The following PRRX2 variants were observed in gnomAD, a reference collection of about 807,000 sequenced individuals.
The protein encoded by PRRX2 is paired mesoderm homeobox protein 2.
A neutral mutation model predicts 18.0 loss-of-function variants in PRRX2; 11 were observed. That is an observed-to-expected ratio of 0.61 (90% confidence interval 0.39 to 1.01). PRRX2 has a LOEUF of 1.01. Ranked by LOEUF, PRRX2 falls within the 50% of genes least tolerant of loss-of-function variation. PRRX2 has a pLI of 0.01. For synonymous variants in PRRX2, 177 were observed against 154.8 expected, an observed-to-expected ratio of 1.14 and a Z score of -1.06; for missense variants, 387 against 351.0, an observed-to-expected ratio of 1.10 and a Z score of -0.82.
intron 1 of PRRX2, among the ~76,000 whole-genome samples, chr9:129,696,226 T>C (rs1402724049): frequency 6.6e-6 from 1 of 152,092 alleles, no homozygotes; most frequent in African/African-American, 2.4e-5. Context: ...CACAGCCCCC[T>C]TTTCAAAACG....
chr9:129,701,222 G>A (rs142133578), intron 1 of PRRX2, among the ~76,000 whole-genome samples: 36 of 152,358 alleles, frequency 2.4e-4, no homozygotes, highest in African/African-American at 8.7e-4. Flanking sequence ...GAGGGTTTAG[G>A]ATGGAGCTTG....
intron 2 of PRRX2, among the ~76,000 whole-genome samples, 193 bp downstream of exon 2, chr9:129,719,611 G>A (rs1832763466): frequency 6.6e-6 from 1 of 152,268 alleles, no homozygotes; most frequent in Admixed American, 6.5e-5. Context: ...TAAGCTGTCT[G>A]TGCTGCAGGC....
chr9:129,678,986 TCAGC>T (rs1447378066), intron 1 of PRRX2, among the ~76,000 whole-genome samples: 1 of 152,052 alleles, frequency 6.6e-6, no homozygotes, highest in African/African-American at 2.4e-5. Context: ...GCCCAGATCC[TCAGC>T]CAGGGAGGGA....
At chr9:129,678,713 G>A (rs1462406171) in intron 1 of PRRX2, among the ~76,000 whole-genome samples, 1 of 152,210 alleles carries the variant, frequency 6.6e-6, no homozygotes, top group Non-Finnish European at 1.5e-5. Context: ...TGAGGTGTGT[G>A]ACTTTTGTGT....
intron 1 of PRRX2, among the ~76,000 whole-genome samples, 179 bp from the exon 2 acceptor site, chr9:129,719,052 G>A (rs1027806320): frequency 6.6e-6 from 1 of 152,194 alleles, no homozygotes; most frequent in Non-Finnish European, 1.5e-5. Flanking sequence ...CAGTAAATAC[G>A]TGTTGAAGAG....
chr9:129,684,707 G>A (rs1832282779), intron 1 of PRRX2, among the ~76,000 whole-genome samples: 1 of 152,262 alleles, frequency 6.6e-6, no homozygotes, highest in Non-Finnish European at 1.5e-5. Context: ...AATGTAGGGA[G>A]GTTGCTCTCC....
At position 129,715,332 on chromosome 9, in the gene PRRX2, G is replaced by A. The variant is rs1210514883; in HGVS notation, c.260-3899G>A. ...TTAGCAAGGCCAAGCATGGTGGCTCGTGCCTGTAATCCCAGTACTTTGGGA... is the reference window on the plus strand; with the variant it reads ...TTAGCAAGGCCAAGCATGGTGGCTCATGCCTGTAATCCCAGTACTTTGGGA... On this transcript the variant is annotated intron_variant, in intron 1 of 3. Coordinates refer to ENST00000372469, the MANE Select transcript of PRRX2 (RefSeq NM_016307.4). This position sits in a 1 kb window ranked among gnomAD's most constrained non-coding sequence, Gnocchi z 4.0. Among the ~76,000 whole-genome samples, 2 of 152,116 alleles carry A rather than the reference G, an allele frequency of 1.3e-5. No homozygotes were observed. Among genetic ancestry groups the A allele is most frequent in the Non-Finnish European group, 2.9e-5 (2 of 68,018 alleles).
chr9:129,703,186 G>A (rs1008898780), intron 1 of PRRX2, among the ~76,000 whole-genome samples: 1 of 152,250 alleles, frequency 6.6e-6, no homozygotes, highest in Non-Finnish European at 1.5e-5. Flanking sequence ...TGGGTACCTG[G>A]TGGAGGCTGA....
rs547739005 is a variant in PRRX2, at chr9:129,699,428, A to T, written c.260-19803A>T. ...AACAGGGCAAGACTCTGTCTCAAAA[A>T]AAATATATATATGTGTGTGTGTGTG... On this transcript the variant is annotated intron_variant, in intron 1 of 3. Coordinates refer to ENST00000372469, the MANE Select transcript of PRRX2 (RefSeq NM_016307.4). 6.0e-3 allele frequency among the ~76,000 whole-genome samples: 872 copies of T among 145,222 alleles called. 3 individuals carry two copies. The highest frequency in any genetic ancestry group is 0.01 in the Non-Finnish European group (690 of 66,786).
In PRRX2 at chr9:129,678,326, T is replaced by C. The variant is rs545809328; in HGVS notation, c.259+12200T>C. Among the ~76,000 whole-genome samples, 6 of 152,200 alleles carry C rather than the reference T, an allele frequency of 3.9e-5. No individual in the cohort carries two copies. In the South Asian group the frequency reaches 8.3e-4, roughly 21 times the overall value. On this transcript the variant is annotated intron_variant, in intron 1 of 3. Transcript: ENST00000372469. ...AAGGGAGGAAAAGTCAGGGAGGCCTTCTGTGAATGCTTCTCTCCTTCCACA... is the reference window on the plus strand; with the variant it reads ...AAGGGAGGAAAAGTCAGGGAGGCCTCCTGTGAATGCTTCTCTCCTTCCACA...
chr9:129,682,977 A>G (rs1832252915), intron 1 of PRRX2, among the ~76,000 whole-genome samples: 1 of 152,070 alleles, frequency 6.6e-6, no homozygotes, highest in African/African-American at 2.4e-5. Context: ...GCATGGTGGC[A>G]TGCACCTGTA....
At chr9:129,688,165 C>T (rs7872503) in intron 1 of PRRX2, among the ~76,000 whole-genome samples, 16,303 of 152,054 alleles carry the variant, frequency 0.11, 1,547 homozygotes, top group African/African-American at 0.26. Flanking sequence ...GGGCTCAAGC[C>T]ATCCTCCCAC....
At chr9:129,702,624 A>G (rs1366778700) in intron 1 of PRRX2, among the ~76,000 whole-genome samples, 1 of 152,192 alleles carries the variant, frequency 6.6e-6, no homozygotes, top group Non-Finnish European at 1.5e-5. Flanking sequence ...GTACAGAGCT[A>G]GAGTGTGGAC....
In PRRX2 at chr9:129,715,002, G is replaced by C. The variant is rs964473001; in HGVS notation, c.260-4229G>C. ...AAGTTTCTTCCTCATCGAGGTGGTGGGGGTGGAAAGACATTCACAGGCAGC... is the reference window on the plus strand; with the variant it reads ...AAGTTTCTTCCTCATCGAGGTGGTGCGGGTGGAAAGACATTCACAGGCAGC... On this transcript the variant is annotated intron_variant, in intron 1 of 3. Coordinates refer to ENST00000372469, the MANE Select transcript of PRRX2 (RefSeq NM_016307.4). The surrounding 1 kb of genome is among the most constrained non-coding windows in gnomAD (Gnocchi z 4.0). 1.3e-5 allele frequency among the ~76,000 whole-genome samples: 2 copies of C among 152,220 alleles called. No homozygotes were observed. The highest frequency in any genetic ancestry group is 4.1e-4 in the South Asian group (2 of 4,822).
At chr9:129,694,216 G>A (rs963938110) in intron 1 of PRRX2, among the ~76,000 whole-genome samples, 2 of 152,164 alleles carry the variant, frequency 1.3e-5, no homozygotes, top group Non-Finnish European at 2.9e-5. Flanking sequence ...AGGCTGGAGT[G>A]CGGTGGCCTG....
chr9:129,707,370 C>CT (rs1356107584), intron 1 of PRRX2, among the ~76,000 whole-genome samples: 4 of 152,184 alleles, frequency 2.6e-5, no homozygotes, highest in East Asian at 1.9e-4. Context: ...GTTACCATCT[C>CT]TAAGTGTTTC....
At chr9:129,696,981 C>G (rs1231797039) in intron 1 of PRRX2, among the ~76,000 whole-genome samples, 2 of 152,244 alleles carry the variant, frequency 1.3e-5, no homozygotes, top group Non-Finnish European at 2.9e-5. Context: ...CCTTGGGCGA[C>G]TGACCTCCCT....
In PRRX2 at chr9:129,715,472, T is replaced by C. The variant is rs1832692073; in HGVS notation, c.260-3759T>C. Among the ~76,000 whole-genome samples, 2 of 152,028 alleles carry C rather than the reference T, an allele frequency of 1.3e-5. No individual in the cohort carries two copies. The stretch of plus-strand genomic sequence containing the variant: ...TGGGCATGGTGGCAGGCACCTGTAG[T>C]CCCAGCTACTTGGGAGGCTGAGGTG... On this transcript the variant is annotated intron_variant, in intron 1 of 3. Transcript: ENST00000372469. This position sits in a 1 kb window ranked among gnomAD's most constrained non-coding sequence, Gnocchi z 4.0.
chr9:129,717,150 G>A (rs1205051285), intron 1 of PRRX2, among the ~76,000 whole-genome samples: 2 of 152,180 alleles, frequency 1.3e-5, no homozygotes, highest in African/African-American at 4.8e-5. Flanking sequence ...GGGTTTAAGC[G>A]ATTCTTGTGC....
Sources: allele counts gnomAD v4.1 joint callset (sites outside exome capture counted in the v4.1 genomes callset), GRCh38; gene constraint gnomAD v4.1.1; non-coding constraint Gnocchi (gnomAD v3.1); transcripts MANE v1.5; gene names NCBI Gene and HGNC (gene_info 2026-07-23, HGNC 2026-07-21).